FGF5: variants seen among roughly 807,000 people sequenced by gnomAD.
FGF5 encodes the protein heparin-binding growth factor 5.
Under a neutral mutation model 21.8 loss-of-function variants are expected in FGF5, and 23 were observed. The observed-to-expected ratio is 1.05, with a 90% CI of 0.76 to 1.49. The LOEUF (loss-of-function observed/expected upper bound fraction) is 1.49. Ranked by LOEUF, FGF5 falls within the 40% of genes most tolerant of loss-of-function variation. The probability of loss-of-function intolerance (pLI) is 0.00; values close to 1 mark genes in which losing one functional copy is unlikely to be tolerated. For synonymous variants in FGF5, 158 were observed against 124.0 expected (o/e 1.27, Z -1.82); for missense variants, 352 against 332.9 (o/e 1.06, Z -0.45).
At chr4:80,285,028 G>T (rs937740994) in intron 2 of FGF5, among the ~76,000 whole-genome samples, 1 of 152,112 alleles carries the variant, frequency 6.6e-6, no homozygotes, top group African/African-American at 2.4e-5. Context: ...TTCTTTGGGG[G>T]TTATGGGCTC....
At chr4:80,283,042 C>T (rs551730378) in intron 2 of FGF5, among the ~76,000 whole-genome samples, 2 of 151,888 alleles carry the variant, frequency 1.3e-5, no homozygotes, top group Admixed American at 6.6e-5. Flanking sequence ...TGAGCCAGAC[C>T]GGGAATACTA....
intron 2 of FGF5, among the ~76,000 whole-genome samples, chr4:80,283,716 A>G (rs1720632905): frequency 6.6e-6 from 1 of 152,172 alleles, no homozygotes; most frequent in Non-Finnish European, 1.5e-5. Flanking sequence ...CAGAGCTGGA[A>G]GTCAGATCAA....
In FGF5 at chr4:80,276,805, G is replaced by A. The variant is rs35728062; in HGVS notation, c.459+1793G>A. Among the ~76,000 whole-genome samples, 200 of 149,444 alleles carry A rather than the reference G, an allele frequency of 1.3e-3. 3 individuals carry two copies. In the East Asian group the frequency reaches 0.03, roughly 22 times the overall value. The stretch of plus-strand genomic sequence containing the variant: ...ATCCACATACAGAATTGAAAACAAT[G>A]ATTAAACACATCTAAACGGAATAAC... On this transcript the variant is annotated intron_variant, in intron 2 of 2. Coordinates refer to ENST00000312465, the MANE Select transcript of FGF5 (RefSeq NM_004464.4).
chr4:80,267,970 C>T (rs1241661158), intron 1 of FGF5, among the ~76,000 whole-genome samples: 1 of 152,138 alleles, frequency 6.6e-6, no homozygotes, highest in East Asian at 1.9e-4. Context: ...CCTTTGGTCC[C>T]CAAGAACAGT....
At chr4:80,281,453 G>A (rs1296829792) in intron 2 of FGF5, among the ~76,000 whole-genome samples, 1 of 151,952 alleles carries the variant, frequency 6.6e-6, no homozygotes, top group Non-Finnish European at 1.5e-5. Flanking sequence ...ATTTATATTT[G>A]GCTTTTTTTC....
chr4:80,279,060 G>A (rs191291386), intron 2 of FGF5, among the ~76,000 whole-genome samples: 37 of 152,174 alleles, frequency 2.4e-4, no homozygotes, highest in Admixed American at 1.8e-3. Context: ...CCTGAGGTTG[G>A]CATCCTTACT....
intron 2 of FGF5, among the ~76,000 whole-genome samples, chr4:80,278,582 C>G (rs779493511): frequency 6.6e-6 from 1 of 152,090 alleles, no homozygotes; most frequent in Non-Finnish European, 1.5e-5. Context: ...TATTTTACTG[C>G]CATAGACACA....
At chr4:80,270,254 G>A (rs565319791) in intron 1 of FGF5, among the ~76,000 whole-genome samples, 1 of 152,236 alleles carries the variant, frequency 6.6e-6, no homozygotes, top group Admixed American at 6.5e-5. Context: ...TCAAAGCTTT[G>A]CCATGAAACT....
chr4:80,271,270 T>C (rs1045921773), intron 1 of FGF5, among the ~76,000 whole-genome samples: 4 of 152,074 alleles, frequency 2.6e-5, no homozygotes, highest in Non-Finnish European at 4.4e-5. Flanking sequence ...TCTAGAAATA[T>C]GTTTTTTTTT....
rs192243662 is a variant in FGF5 at position 80,284,655 on chromosome 4, T to C, written c.460-1670T>C. Among the ~76,000 whole-genome samples, 186 of 152,326 alleles carry C rather than the reference T, an allele frequency of 1.2e-3. 2 individuals are homozygous for C. The highest frequency in any genetic ancestry group is 2.0e-3 in the Non-Finnish European group (137 of 68,030). On this transcript the variant is annotated intron_variant, in intron 2 of 2. Coordinates refer to ENST00000312465, the MANE Select transcript of FGF5 (RefSeq NM_004464.4). ...ACTATTGTACATAAAGTGAATGTGC[T>C]GTTGGAAATGCTCTGATATTGGTTG...
intron 2 of FGF5, among the ~76,000 whole-genome samples, chr4:80,281,809 G>C (rs113036461): frequency 3.3e-5 from 5 of 152,148 alleles, no homozygotes; most frequent in African/African-American, 1.2e-4. Context: ...TTTAATTTTG[G>C]CTTGGCAGAA....
chr4:80,267,472 C>T (rs1484024169), intron 1 of FGF5, among the ~76,000 whole-genome samples: 1 of 152,146 alleles, frequency 6.6e-6, no homozygotes, highest in East Asian at 1.9e-4. Flanking sequence ...AAGACGAGTC[C>T]CCAGCCATGA....
In FGF5 at chr4:80,272,387, A is replaced by G. The variant is rs796997938; in HGVS notation, c.356-2522A>G. The stretch of plus-strand genomic sequence containing the variant: ...TTCATCTTCCCCATATTTAAAATAC[A>G]TTACATGCAACTTGTACATAATATA... On this transcript the variant is annotated intron_variant, in intron 1 of 2. Coordinates refer to ENST00000312465, the MANE Select transcript of FGF5 (RefSeq NM_004464.4). Among the ~76,000 whole-genome samples, 181 of 152,278 alleles carry G rather than the reference A, an allele frequency of 1.2e-3. 1 individual carries two copies. The highest frequency in any genetic ancestry group is 4.1e-3 in the African/African-American group (171 of 41,568).
intron 1 of FGF5, among the ~76,000 whole-genome samples, chr4:80,270,820 A>G (rs2109917902): frequency 6.6e-6 from 1 of 152,322 alleles, no homozygotes; most frequent in Admixed American, 6.5e-5. Context: ...GGTTAATAGA[A>G]TCGTCGATGT....
chr4:80,268,773 C>CGCA (rs1720188251), intron 1 of FGF5, among the ~76,000 whole-genome samples: 1 of 152,216 alleles, frequency 6.6e-6, no homozygotes, highest in East Asian at 1.9e-4. Flanking sequence ...CCTCCGCACA[C>CGCA]GCACCAGCGA....
In FGF5 at chr4:80,286,367, G is replaced by T; in HGVS notation, c.502G>T (p.Glu168Ter). 6.2e-7 allele frequency: 1 copy of T among 1,601,518 alleles called. No homozygotes were observed. Among genetic ancestry groups the T allele is most frequent in the Non-Finnish European group, 8.5e-7 (1 of 1,172,366 alleles). ...DDCKFRERFQ[E>*]NSYNTYASAI... ...CTGCAAGTTCAGGGAGCGTTTTCAA[G>T]AAAATAGCTATAATACCTATGCCTC... Residue 168 changes from glutamate (E) to a stop codon, truncating the protein, a stop_gained, in exon 3 of 3, where the codon GAA becomes TAA. Transcript: ENST00000312465. LOFTEE classifies it high-confidence loss of function.
chr4:80,267,275 T>C, intron 1 of FGF5, 96 bp downstream of exon 1: 3 of 1,022,744 alleles, frequency 2.9e-6, no homozygotes, highest in Non-Finnish European at 4.3e-6. Context: ...CTCACCTTCC[T>C]GAGCCCAGGC....
At chr4:80,279,651 A>G (rs1197499323) in intron 2 of FGF5, among the ~76,000 whole-genome samples, 1 of 152,188 alleles carries the variant, frequency 6.6e-6, no homozygotes, top group East Asian at 1.9e-4. Context: ...CTTTTTTCAT[A>G]GCTCTGTTGT....
Position 80,287,766 on chromosome 4 carries a change from A to G in FGF5, c.*1094A>G, listed in dbSNP as rs1322206501. The stretch of plus-strand genomic sequence containing the variant: ...CAATGGTTTAACAGTTATCCATGCC[A>G]AGTCCCATTGTCAGAAATATTCTTA... On this transcript the variant is annotated 3_prime_UTR_variant, in exon 3 of 3. Transcript: ENST00000312465. 5 of 152,140 alleles carry G rather than the reference A, an allele frequency of 3.3e-5. No individual in the cohort carries two copies. Among genetic ancestry groups the G allele is most frequent in the Non-Finnish European group, 7.4e-5 (5 of 68,020 alleles). The allele number at this position is 152,140 out of a possible 1,614,324, so 9.4% of individuals were successfully genotyped here. A position where few individuals can be genotyped will look rare whatever the true frequency, so the allele number is the denominator to read the frequency against.
Sources: gnomAD v4.1 joint callset for allele counts (sites outside exome capture counted in the v4.1 genomes callset) on GRCh38, gnomAD v4.1.1 for gene constraint, MANE v1.5 for transcripts, NCBI Gene and HGNC (gene_info 2026-07-23, HGNC 2026-07-21) for gene names.